The following SLC39A11 variants were observed in gnomAD, a reference collection of about 807,000 sequenced individuals.
SLC39A11 encodes zinc transporter ZIP11.
Under a neutral mutation model 36.1 loss-of-function variants are expected in SLC39A11, and 33 were observed. The ratio of observed to expected loss-of-function variants is 0.91; its 90% confidence interval spans 0.69 to 1.22. The LOEUF (loss-of-function observed/expected upper bound fraction) is 1.22. Among genes scored for constraint, SLC39A11 ranks in the 50% most tolerant of loss-of-function variants. SLC39A11 has a pLI of 0.00. For synonymous variants in SLC39A11, 166 were observed against 170.3 expected, an observed-to-expected ratio of 0.97 and a Z score of 0.20; for missense variants, 432 against 430.3, an observed-to-expected ratio of 1.00 and a Z score of -0.03.
intron 6 of SLC39A11, among the ~76,000 whole-genome samples, chr17:72,816,888 T>C (rs553951547): frequency 6.6e-6 from 1 of 152,310 alleles, no homozygotes; most frequent in African/African-American, 2.4e-5. Context: ...TAAAATTTAC[T>C]TCTGATCCAT....
chr17:72,828,015 G>A (rs978712274), intron 6 of SLC39A11, among the ~76,000 whole-genome samples: 2 of 152,222 alleles, frequency 1.3e-5, no homozygotes, highest in African/African-American at 4.8e-5. Flanking sequence ...AGTGATACAT[G>A]GATTTCTGCT....
In SLC39A11 at chr17:73,054,225, G is replaced by A. The variant is rs1003211236; in HGVS notation, c.148-22511C>T. On this transcript the variant is annotated intron_variant, in intron 3 of 9. Coordinates refer to ENST00000255559, the MANE Select transcript of SLC39A11 (RefSeq NM_139177.4). Reference sequence around the variant, plus strand: ...AAAAATACAAAAATTAGCTGGGTTTGGTAGCGCATGCCTGTAGTCCCAGCT... The same window carrying A: ...AAAAATACAAAAATTAGCTGGGTTTAGTAGCGCATGCCTGTAGTCCCAGCT... 9.2e-5 allele frequency among the ~76,000 whole-genome samples: 14 copies of A among 152,056 alleles called. 1 individual carries two copies. Among genetic ancestry groups the A allele is most frequent in the Admixed American group, 4.6e-4 (7 of 15,260 alleles).
intron 5 of SLC39A11, among the ~76,000 whole-genome samples, chr17:72,903,284 A>G (rs1012183374): frequency 6.6e-6 from 1 of 151,542 alleles, no homozygotes. Context: ...AAAAAAAAAA[A>G]AAAAAGAAAT....
At chr17:72,706,301 A>C (rs921437367) in intron 7 of SLC39A11, among the ~76,000 whole-genome samples, 2 of 152,144 alleles carry the variant, frequency 1.3e-5, no homozygotes, top group African/African-American at 4.8e-5. Context: ...TTGCTTGTCT[A>C]AAGCAAAGAA....
intron 3 of SLC39A11, among the ~76,000 whole-genome samples, chr17:73,063,539 C>T (rs550137311): frequency 3.3e-5 from 5 of 151,864 alleles, no homozygotes; most frequent in Admixed American, 6.6e-5. Flanking sequence ...CACTTGAACC[C>T]GGGAGGCAGA....
At chr17:72,910,553 G>A (rs1268083233) in intron 5 of SLC39A11, among the ~76,000 whole-genome samples, 3 of 146,494 alleles carry the variant, frequency 2.0e-5, no homozygotes. Flanking sequence ...GAACCTGGGA[G>A]ATGGAAGTTG....
chr17:72,926,328 TG>T (rs1396531000), intron 5 of SLC39A11, among the ~76,000 whole-genome samples: 1 of 152,318 alleles, frequency 6.6e-6, no homozygotes, highest in African/African-American at 2.4e-5. Flanking sequence ...CACCTAACCT[TG>T]TTGGCTCCAG....
At chr17:72,918,930 G>C (rs2083480690) in intron 5 of SLC39A11, among the ~76,000 whole-genome samples, 1 of 152,062 alleles carries the variant, frequency 6.6e-6, no homozygotes, top group Non-Finnish European at 1.5e-5. Context: ...GGGCGTGGTG[G>C]TATGTACCCA....
intron 6 of SLC39A11, among the ~76,000 whole-genome samples, chr17:72,789,024 C>T (rs2076607438): frequency 1.3e-5 from 2 of 152,030 alleles, no homozygotes. Flanking sequence ...CTCCCAGTTA[C>T]CAGAGAGGAC....
chr17:72,661,655 G>A (rs2070427140), intron 7 of SLC39A11, among the ~76,000 whole-genome samples: 1 of 152,206 alleles, frequency 6.6e-6, no homozygotes, highest in African/African-American at 2.4e-5. Flanking sequence ...GAGCCTGCAG[G>A]TGGGAAGGGG....
chr17:72,651,331 C>T (rs558271254), intron 7 of SLC39A11, among the ~76,000 whole-genome samples: 1 of 151,506 alleles, frequency 6.6e-6, no homozygotes, highest in Non-Finnish European at 1.5e-5. Context: ...AGCCCACCCC[C>T]CTCCCAGGAG....
chr17:72,898,112 A>G (rs2082122767), intron 5 of SLC39A11, among the ~76,000 whole-genome samples: 1 of 152,164 alleles, frequency 6.6e-6, no homozygotes, highest in Non-Finnish European at 1.5e-5. Flanking sequence ...GAAATCTAAT[A>G]AGGCACCAAA....
intron 3 of SLC39A11, among the ~76,000 whole-genome samples, chr17:73,056,423 C>A (rs147151916): frequency 4.6e-5 from 7 of 152,274 alleles, no homozygotes; most frequent in African/African-American, 1.7e-4. Context: ...CCCGCCTCGG[C>A]CTCCCAAAAT....
chr17:72,786,044 G>A (rs533748371), intron 6 of SLC39A11, among the ~76,000 whole-genome samples: 12 of 152,248 alleles, frequency 7.9e-5, no homozygotes, highest in African/African-American at 7.2e-5. Context: ...GATCACAATG[G>A]GCCAAATTAT....
At chr17:72,851,739 T>C (rs184456231) in intron 5 of SLC39A11, among the ~76,000 whole-genome samples, 5 of 152,294 alleles carry the variant, frequency 3.3e-5, no homozygotes, top group Middle Eastern at 3.4e-3. Context: ...CCAAATAAGG[T>C]AAATGCCTAA....
chr17:73,081,761 G>GTATA (rs1272996382), intron 3 of SLC39A11, among the ~76,000 whole-genome samples: 198 of 145,806 alleles, frequency 1.4e-3, no homozygotes, highest in Admixed American at 2.2e-3. Flanking sequence ...ATGTGTGTGG[G>GTATA]TATATACATA....
chr17:72,656,829 T>C (rs1461805434), intron 7 of SLC39A11, among the ~76,000 whole-genome samples: 1 of 152,102 alleles, frequency 6.6e-6, no homozygotes, highest in East Asian at 1.9e-4. Flanking sequence ...TCCTATTATA[T>C]GTTTATTTTT....
At position 73,047,216 on chromosome 17, in the gene SLC39A11, G is replaced by A. The variant is rs369320361; in HGVS notation, c.148-15502C>T. ...ATTTTTTGTGTTTTTAGCACAGATG[G>A]GGTTGCACCGTGTTAGCCAGGATGG... On this transcript the variant is annotated intron_variant, in intron 3 of 9. Transcript: ENST00000255559. Among the ~76,000 whole-genome samples the A allele has an allele frequency of 9.4e-4, 143 of 151,582 alleles. 5 individuals carry two copies. The South Asian group carries it at 0.026, about 28-fold the overall frequency.
intron 3 of SLC39A11, among the ~76,000 whole-genome samples, chr17:73,056,696 G>T (rs1049774496): frequency 6.6e-6 from 1 of 152,096 alleles, no homozygotes; most frequent in African/African-American, 2.4e-5. Flanking sequence ...GGAAGGTTAC[G>T]AGAAGACAGG....
Sources: gnomAD v4.1 joint callset for allele counts (sites outside exome capture counted in the v4.1 genomes callset) on GRCh38, gnomAD v4.1.1 for gene constraint, MANE v1.5 for transcripts, NCBI Gene and HGNC (gene_info 2026-07-23, HGNC 2026-07-21) for gene names.